Variants in PCDHGB2 observed in about 807,000 individuals in gnomAD.
PCDHGB2 encodes the protein protocadherin gamma subfamily B, 2, also known as protocadherin gamma-B2.
A neutral mutation model predicts 59.3 loss-of-function variants in PCDHGB2; 55 were observed. The ratio of observed to expected loss-of-function variants is 0.93; its 90% confidence interval spans 0.75 to 1.16. The LOEUF (loss-of-function observed/expected upper bound fraction) is 1.16. Among genes scored for constraint, PCDHGB2 ranks in the 50% most tolerant of loss-of-function variants. The pLI, the probability that PCDHGB2 is intolerant of heterozygous loss-of-function variation, is 0.00. For missense variants in PCDHGB2, 1,228 were observed against 1,198.5 expected, an observed-to-expected ratio of 1.02 and a Z score of -0.36; for synonymous variants, 516 against 512.0, an observed-to-expected ratio of 1.01 and a Z score of -0.11.
chr5:141,511,641 A>C lies in PCDHGB2; in HGVS notation c.*468A>C. On this transcript the variant is annotated 3_prime_UTR_variant, in exon 4 of 4. Transcript: ENST00000522605. ...TCTGAAAAGTTGGAAGGGCATCATG[A>C]CCTCTTGGCCTCTCCTTTGATTCTC... 1 of 224,930 alleles carries C rather than the reference A, an allele frequency of 4.4e-6. No homozygotes were observed. The allele number at this position is 224,930 out of a possible 1,614,324, so 13.9% of individuals were successfully genotyped here. A position where few individuals can be genotyped will look rare whatever the true frequency, so the allele number is the denominator to read the frequency against.
rs1385144710 is a variant in PCDHGB2 at position 141,399,080 on chromosome 5, G to C, written c.2421+36524G>C. 1 of 1,613,696 alleles carries C rather than the reference G, an allele frequency of 6.2e-7. No homozygotes were observed. On this transcript the variant is annotated intron_variant, in intron 1 of 3. Transcript: ENST00000522605. ...GAATATTCAATGGTTGTAGAAGGGA[G>C]GGATGGTGGTGGACTGGTTGCACAA...
At position 141,361,098 on chromosome 5, in the gene PCDHGB2, A is replaced by T. The variant is rs1345076438; in HGVS notation, c.963A>T (p.Ala321=). 6.2e-7 allele frequency: 1 copy of T among 1,614,016 alleles called. No individual in the cohort carries two copies. Among genetic ancestry groups the T allele is most frequent in the Non-Finnish European group, 8.5e-7 (1 of 1,179,878 alleles). Residue 321 remains alanine, a synonymous_variant, in exon 1 of 4, where the codon GCA becomes GCT. Coordinates refer to ENST00000522605, the MANE Select transcript of PCDHGB2 (RefSeq NM_018923.3). ...IASSYTLSIE[A]KDPGDLAAHC... The stretch of plus-strand genomic sequence containing the variant: ...GTAGTTACACTCTGAGTATCGAAGC[A>T]AAAGATCCTGGAGATCTAGCAGCCC...
chr5:141,422,485 A>G, intron 1 of PCDHGB2: 2 of 1,613,980 alleles, frequency 1.2e-6, no homozygotes, highest in Non-Finnish European at 1.7e-6. Context: ...CCAGAGCTAC[A>G]ATATAACGTT....
In PCDHGB2 at chr5:141,372,254, C is replaced by T. The variant is rs776276298; in HGVS notation, c.2421+9698C>T. The T allele has an allele frequency of 2.2e-5, 35 of 1,612,978 alleles. No homozygotes were observed. In the East Asian group the frequency reaches 7.6e-4, roughly 35 times the overall value. On this transcript the variant is annotated intron_variant, in intron 1 of 3. Transcript: ENST00000522605. ...GCGAGCCCGGGCTGTTCAGCCTGGG[C>T]CTGCGCACGGGTGAGGTGCGCACGG...
chr5:141,489,364 G>A lies in PCDHGB2; in HGVS notation c.2422-5443G>A, dbSNP rs2099686163. On this transcript the variant is annotated intron_variant, in intron 1 of 3. Coordinates refer to ENST00000522605, the MANE Select transcript of PCDHGB2 (RefSeq NM_018923.3). The surrounding 1 kb of genome is among the most constrained non-coding windows in gnomAD (Gnocchi z 4.5). The stretch of plus-strand genomic sequence containing the variant: ...CTCAGTGGTGGAGGAGTCTGAGCCG[G>A]GGACGCTGGTGGGGAATGTTGCTCA... 1 of 1,613,450 alleles carries A rather than the reference G, an allele frequency of 6.2e-7. No homozygotes were observed. The highest frequency in any genetic ancestry group is 1.1e-5 in the South Asian group (1 of 91,042).
chr5:141,418,990 G>A (rs1029969170), intron 1 of PCDHGB2: 1 of 1,613,784 alleles, frequency 6.2e-7, no homozygotes, highest in African/African-American at 1.3e-5. Flanking sequence ...AAGACTCAGG[G>A]GAAAATGGGG....
At chr5:141,448,069 T>C (rs1184496754) in intron 1 of PCDHGB2, among the ~76,000 whole-genome samples, 1 of 151,202 alleles carries the variant, frequency 6.6e-6, no homozygotes, top group Non-Finnish European at 1.5e-5. Context: ...CTGGGCAACA[T>C]GAACGAAATG....
chr5:141,447,181 G>C (rs442221), intron 1 of PCDHGB2, among the ~76,000 whole-genome samples: 152,246 of 152,338 alleles, frequency 1, 76,078 homozygotes, highest in Middle Eastern at 1. Context: ...CTCTTGTCGC[G>C]CAGGCTGGAG....
At chr5:141,384,519 G>T in intron 1 of PCDHGB2, 3 of 1,614,220 alleles carry the variant, frequency 1.9e-6, no homozygotes, top group Non-Finnish European at 2.5e-6. Context: ...GCGGGGACCC[G>T]CCTCTCAGCA....
intron 1 of PCDHGB2, chr5:141,419,261 G>A (rs758952830): frequency 1.3e-5 from 21 of 1,613,864 alleles, no homozygotes; most frequent in Non-Finnish European, 1.7e-5. Context: ...CAACCAGCCG[G>A]GTGCCTCCAT....
At chr5:141,501,871 C>T (rs562714939) in intron 2 of PCDHGB2, among the ~76,000 whole-genome samples, 3 of 152,244 alleles carry the variant, frequency 2.0e-5, no homozygotes, top group African/African-American at 7.2e-5. Context: ...CAGGACGCCT[C>T]CTTACACTCC....
chr5:141,374,122 G>C, intron 1 of PCDHGB2: 5 of 1,597,596 alleles, frequency 3.1e-6, no homozygotes, highest in Non-Finnish European at 4.3e-6. Context: ...GCAGCGAGCA[G>C]GTCCTGCTCC....
intron 1 of PCDHGB2, among the ~76,000 whole-genome samples, chr5:141,457,440 A>G (rs188608086): frequency 3.9e-5 from 6 of 152,334 alleles, no homozygotes; most frequent in Non-Finnish European, 8.8e-5. Flanking sequence ...ACCAAGCTGC[A>G]GAAGATCACC....
At position 141,360,594 on chromosome 5, in the gene PCDHGB2, A is replaced by G; in HGVS notation, c.459A>G (p.Pro153=). Residue 153 remains proline, a synonymous_variant, in exon 1 of 4, where the codon CCA becomes CCG. Transcript: ENST00000522605. ...GESTKPGTTF[P]LDPALDSDVG... ...CCACTAAGCCAGGTACAACATTTCC[A>G]CTTGACCCAGCCCTGGATTCAGATG... 1 of 1,614,032 alleles carries G rather than the reference A, an allele frequency of 6.2e-7. No individual in the cohort carries two copies. The highest frequency in any genetic ancestry group is 8.5e-7 in the Non-Finnish European group (1 of 1,179,902).
chr5:141,452,303 G>C (rs1271182127), intron 1 of PCDHGB2, among the ~76,000 whole-genome samples: 1 of 152,048 alleles, frequency 6.6e-6, no homozygotes, highest in Non-Finnish European at 1.5e-5. Flanking sequence ...GAAAATATTA[G>C]AGACTCATAC....
chr5:141,488,131 G>A (rs2099672034), intron 1 of PCDHGB2, among the ~76,000 whole-genome samples: 1 of 152,202 alleles, frequency 6.6e-6, no homozygotes, highest in Non-Finnish European at 1.5e-5. Context: ...GCAGAAAGAG[G>A]AGAGAACTAA....
At chr5:141,368,697 G>A (rs1765805391) in intron 1 of PCDHGB2, among the ~76,000 whole-genome samples, 1 of 152,072 alleles carries the variant, frequency 6.6e-6, no homozygotes, top group Admixed American at 6.5e-5. Flanking sequence ...ACTATAAAAT[G>A]CTTGATCCAT....
At chr5:141,402,827 G>C in intron 1 of PCDHGB2, 10 of 1,330,136 alleles carry the variant, frequency 7.5e-6, no homozygotes, top group Non-Finnish European at 9.9e-6. Context: ...CTGCTCCCAG[G>C]CTGCAGCAAA....
chr5:141,407,529 T>G (rs2154538729), intron 1 of PCDHGB2, among the ~76,000 whole-genome samples: 1 of 151,552 alleles, frequency 6.6e-6, no homozygotes, highest in South Asian at 2.1e-4. Context: ...CTTAACTTAT[T>G]GTGCATTGGT....
Sources: gnomAD v4.1 joint callset for allele counts (sites outside exome capture counted in the v4.1 genomes callset) on GRCh38, gnomAD v4.1.1 for gene constraint, Gnocchi (gnomAD v3.1) non-coding constraint, MANE v1.5 for transcripts, NCBI Gene and HGNC (gene_info 2026-07-23, HGNC 2026-07-21) for gene names.